XPR1: variants seen among roughly 807,000 people sequenced by gnomAD.
XPR1 encodes xenotropic and polytropic retrovirus receptor 1.
Under a neutral mutation model 87.5 loss-of-function variants are expected in XPR1, and 28 were observed. That is an observed-to-expected ratio of 0.32 (90% CI 0.24 to 0.44). The LOEUF is 0.44. Ranked by LOEUF, XPR1 falls within the 20% of genes least tolerant of loss-of-function variation. The pLI is 1.00. For synonymous variants in XPR1, 300 were observed against 306.1 expected, an observed-to-expected ratio of 0.98 and a Z score of 0.21; for missense variants, 559 against 862.3, an observed-to-expected ratio of 0.65 and a Z score of 4.41.
chr1:180,810,901 G>A (rs937280031), intron 6 of XPR1, among the ~76,000 whole-genome samples: 5 of 151,976 alleles, frequency 3.3e-5, no homozygotes, highest in Admixed American at 1.3e-4. Flanking sequence ...AGCAAAATCC[G>A]TGGATGCTCA....
intron 3 of XPR1, among the ~76,000 whole-genome samples, chr1:180,799,293 A>T (rs1405212329): frequency 1.3e-5 from 2 of 152,026 alleles, no homozygotes; most frequent in East Asian, 1.9e-4. Context: ...TCCTACTTCT[A>T]CCCCTTGATT....
intron 2 of XPR1, among the ~76,000 whole-genome samples, chr1:180,755,211 G>A (rs567706664): frequency 2.6e-5 from 4 of 152,128 alleles, no homozygotes; most frequent in Admixed American, 1.3e-4. Context: ...CCTGGAAATC[G>A]ACATCCCAAT....
intron 9 of XPR1, among the ~76,000 whole-genome samples, chr1:180,826,431 C>T (rs1424935951): frequency 6.6e-6 from 1 of 152,018 alleles, no homozygotes; most frequent in Non-Finnish European, 1.5e-5. Flanking sequence ...ACCTGTAGTC[C>T]CAGATACTTG....
intron 1 of XPR1, among the ~76,000 whole-genome samples, chr1:180,660,872 TAGTGC>T (rs1170657827): frequency 1.3e-5 from 2 of 148,302 alleles, no homozygotes; most frequent in Admixed American, 1.3e-4. Flanking sequence ...ATTTGGTCTG[TAGTGC>T]AGATTAAGTC....
At chr1:180,882,537 A>G (rs376215197) in intron 14 of XPR1, among the ~76,000 whole-genome samples, 1 of 152,054 alleles carries the variant, frequency 6.6e-6, no homozygotes, top group Admixed American at 6.6e-5. Flanking sequence ...TTTATTTTTT[A>G]TAGAGACAGG....
intron 2 of XPR1, among the ~76,000 whole-genome samples, chr1:180,706,537 A>G (rs1657562593): frequency 6.6e-6 from 1 of 152,240 alleles, no homozygotes; most frequent in African/African-American, 2.4e-5. Flanking sequence ...AATTCACATA[A>G]CACAAAATAA....
chr1:180,857,079 A>G (rs1361236944), intron 11 of XPR1, among the ~76,000 whole-genome samples: 1 of 152,262 alleles, frequency 6.6e-6, no homozygotes, highest in Non-Finnish European at 1.5e-5. Context: ...TATAGATTAC[A>G]TAAAATATAT....
chr1:180,865,282 T>C (rs1652349961), intron 12 of XPR1, among the ~76,000 whole-genome samples: 2 of 152,068 alleles, frequency 1.3e-5, no homozygotes, highest in South Asian at 4.1e-4. Flanking sequence ...GAAAAGAAAA[T>C]TAATAATCAG....
intron 9 of XPR1, among the ~76,000 whole-genome samples, chr1:180,826,668 T>G (rs987329049): frequency 1.3e-5 from 2 of 152,176 alleles, no homozygotes; most frequent in African/African-American, 4.8e-5. Flanking sequence ...AATTGACCAA[T>G]CTCTATAAAA....
At chr1:180,732,608 C>G (rs1323085937) in intron 2 of XPR1, among the ~76,000 whole-genome samples, 1 of 152,220 alleles carries the variant, frequency 6.6e-6, no homozygotes, top group African/African-American at 2.4e-5. Context: ...CCCCACTGCT[C>G]AAACTTCTAG....
Position 180,798,663 on chromosome 1 carries a change from G to A in XPR1, c.224-4725G>A, listed in dbSNP as rs1571848578. Among the ~76,000 whole-genome samples, 4 of 152,080 alleles carry A rather than the reference G, an allele frequency of 2.6e-5. No individual in the cohort carries two copies. The South Asian group carries it at 6.2e-4, about 24-fold the overall frequency. ...GTCTCACTCTGTCACCCAGGCTGGA[G>A]TGTGTGGTGGCACAATCTCGGCTCA... is the stretch of plus-strand genomic sequence containing the variant. On this transcript the variant is annotated intron_variant, in intron 3 of 14. Coordinates refer to ENST00000367590, the MANE Select transcript of XPR1 (RefSeq NM_004736.4).
intron 11 of XPR1, among the ~76,000 whole-genome samples, chr1:180,852,807 G>A (rs539262682): frequency 1.7e-4 from 26 of 152,022 alleles, no homozygotes; most frequent in Non-Finnish European, 2.6e-4. Context: ...GATTACAGGC[G>A]TGAGCCACCA....
intron 7 of XPR1, among the ~76,000 whole-genome samples, chr1:180,813,223 G>A (rs961485840): frequency 1.3e-5 from 2 of 151,872 alleles, no homozygotes; most frequent in African/African-American, 4.8e-5. Context: ...CTTTGTTTCC[G>A]ACCACACTTG....
At chr1:180,827,077 C>A (rs960201563) in intron 9 of XPR1, among the ~76,000 whole-genome samples, 3 of 149,660 alleles carry the variant, frequency 2.0e-5, no homozygotes, top group African/African-American at 7.5e-5. Flanking sequence ...TCGCTTGAAC[C>A]CAGGAAGTGG....
chr1:180,688,334 C>T (rs1656861308), intron 2 of XPR1, among the ~76,000 whole-genome samples: 2 of 151,762 alleles, frequency 1.3e-5, no homozygotes, highest in South Asian at 4.2e-4. Context: ...AGTGATCCAC[C>T]CACCTTGGCC....
rs570465228 is a variant in XPR1 at position 180,852,297 on chromosome 1, A to G, written c.1502-11411A>G. On this transcript the variant is annotated intron_variant, in intron 11 of 14. Coordinates refer to ENST00000367590, the MANE Select transcript of XPR1 (RefSeq NM_004736.4). Reference sequence around the variant, plus strand: ...CAGAGAGATCCCATATACCCTTTGCATAGTTTCCCCAGTGGTAACACTTTA... The same window carrying G: ...CAGAGAGATCCCATATACCCTTTGCGTAGTTTCCCCAGTGGTAACACTTTA... Among the ~76,000 whole-genome samples the G allele has an allele frequency of 3.3e-5, 5 of 152,260 alleles. No individual in the cohort carries two copies. The South Asian group carries it at 8.3e-4, about 25-fold the overall frequency.
chr1:180,779,599 A>G (rs1648858312), intron 2 of XPR1, among the ~76,000 whole-genome samples: 1 of 151,986 alleles, frequency 6.6e-6, no homozygotes, highest in African/African-American at 2.4e-5. Context: ...TAGTAGAAAT[A>G]CAAAAATTGG....
chr1:180,681,606 A>G lies in XPR1; in HGVS notation c.70-754A>G, dbSNP rs1656580550. Among the ~76,000 whole-genome samples, 2 of 152,258 alleles carry G rather than the reference A, an allele frequency of 1.3e-5. 1 individual carries two copies. The highest frequency in any genetic ancestry group is 4.1e-4 in the South Asian group (2 of 4,836). On this transcript the variant is annotated intron_variant, in intron 1 of 14. Transcript: ENST00000367590. Reference sequence around the variant, plus strand: ...GCTTGCAGTGAGCTGAGATCGTGCCACTGCACTCCAGCCTGGGCGACAGAG... The same window carrying G: ...GCTTGCAGTGAGCTGAGATCGTGCCGCTGCACTCCAGCCTGGGCGACAGAG...
chr1:180,664,492 T>C (rs73049487), intron 1 of XPR1, among the ~76,000 whole-genome samples: 5,122 of 152,280 alleles, frequency 0.034, 192 homozygotes, highest in African/African-American at 0.092. Context: ...CCTTTCCTAC[T>C]GTAGCTCAGT....
Sources: gnomAD v4.1 joint callset for allele counts (sites outside exome capture counted in the v4.1 genomes callset) on GRCh38, gnomAD v4.1.1 for gene constraint, MANE v1.5 for transcripts, NCBI Gene and HGNC (gene_info 2026-07-23, HGNC 2026-07-21) for gene names.